The following RBFOX1 variants were observed in gnomAD, a reference collection of about 807,000 sequenced individuals.
The protein encoded by RBFOX1 is RNA binding protein fox-1 homolog 1.
RBFOX1 carries 8 observed loss-of-function variants against 57.7 expected under a neutral mutation model. That is an observed-to-expected ratio of 0.14 (90% CI 0.08 to 0.25). The LOEUF (loss-of-function observed/expected upper bound fraction) is 0.25. Ranked by LOEUF, RBFOX1 falls within the 10% of genes least tolerant of loss-of-function variation. RBFOX1 has a pLI of 1.00. For missense variants in RBFOX1, 611 were observed against 548.5 expected (o/e 1.11, Z -1.14); for synonymous variants, 326 against 222.4 (o/e 1.47, Z -4.15).
intron 1 of RBFOX1, among the ~76,000 whole-genome samples, chr16:6,084,241 A>G (rs2096054173): frequency 6.6e-6 from 1 of 151,568 alleles, no homozygotes; most frequent in Non-Finnish European, 1.5e-5. Flanking sequence ...ATTTATTTTT[A>G]TTACTTGTTT....
At chr16:7,229,300 A>C (rs115660149) in intron 4 of RBFOX1, among the ~76,000 whole-genome samples, 3,117 of 152,274 alleles carry the variant, frequency 0.02, 99 homozygotes, top group African/African-American at 0.071. Flanking sequence ...GGAGACCCTG[A>C]GATGGCCCAA....
chr16:7,263,625 C>T (rs4378633), intron 4 of RBFOX1, among the ~76,000 whole-genome samples: 1 of 151,704 alleles, frequency 6.6e-6, no homozygotes, highest in Admixed American at 6.6e-5. Context: ...AGGCTGGGAA[C>T]GGTGGCTCAC....
rs1257302133 is a variant in RBFOX1, at chr16:7,103,285, G to A, written c.27+51187G>A. On this transcript the variant is annotated intron_variant, in intron 4 of 15. Coordinates refer to ENST00000550418, the MANE Select transcript of RBFOX1 (RefSeq NM_018723.4). ...ACTTTAACTGTTTTGAGTTTATGACGTGTCCAGTCTCAAGTCAGTATAGCA... is the reference window on the plus strand; with the variant it reads ...ACTTTAACTGTTTTGAGTTTATGACATGTCCAGTCTCAAGTCAGTATAGCA... Among the ~76,000 whole-genome samples, 5 of 151,998 alleles carry A rather than the reference G, an allele frequency of 3.3e-5. No homozygotes were observed. In the South Asian group the frequency reaches 6.2e-4, roughly 19 times the overall value.
rs140265816 is a variant in RBFOX1, at chr16:7,353,238, T to C, written c.28-164909T>C. Among the ~76,000 whole-genome samples the C allele has an allele frequency of 1.1e-4, 16 of 152,228 alleles. No homozygotes were observed. In the East Asian group the frequency reaches 2.9e-3, roughly 28 times the overall value. On this transcript the variant is annotated intron_variant, in intron 4 of 15. Transcript: ENST00000550418. ...ACTGGACATTCACCATCACTAGCCA[T>C]AAATAAATGGTACCTATTACAAATG... is the stretch of plus-strand genomic sequence containing the variant.
chr16:6,713,722 C>T (rs923065378), intron 3 of RBFOX1, among the ~76,000 whole-genome samples: 89 of 152,198 alleles, frequency 5.8e-4, no homozygotes, highest in African/African-American at 2.1e-3. Context: ...CTCTTCCTCT[C>T]TCTTTCCACA....
chr16:7,343,124 T>G (rs2096929478), intron 4 of RBFOX1, among the ~76,000 whole-genome samples: 1 of 152,074 alleles, frequency 6.6e-6, no homozygotes, highest in Admixed American at 6.6e-5. Context: ...ACACCCCTGT[T>G]CCATGCAGCT....
At chr16:6,607,081 C>G (rs539153894) in intron 2 of RBFOX1, among the ~76,000 whole-genome samples, 6 of 152,204 alleles carry the variant, frequency 3.9e-5, no homozygotes, top group African/African-American at 1.4e-4. Flanking sequence ...ATACCTGAGG[C>G]TGCTGCCTTC....
At chr16:5,950,099 C>A (rs971504563) in intron 4 of RBFOX1, among the ~76,000 whole-genome samples, 7 of 152,226 alleles carry the variant, frequency 4.6e-5, no homozygotes, top group Admixed American at 2.6e-4. Context: ...GTCCTCCAGT[C>A]TTCTGCAATG....
intron 3 of RBFOX1, among the ~76,000 whole-genome samples, chr16:6,788,309 C>G (rs1054209771): frequency 7.9e-5 from 12 of 151,992 alleles, no homozygotes; most frequent in African/African-American, 2.7e-4. Flanking sequence ...CCAAAATTCC[C>G]CAGCATCTGC....
chr16:6,114,590 T>G (rs984763743), intron 1 of RBFOX1, among the ~76,000 whole-genome samples: 1 of 152,166 alleles, frequency 6.6e-6, no homozygotes, highest in African/African-American at 2.4e-5. Flanking sequence ...ACTTATGGAC[T>G]ACTAACACTG....
chr16:5,957,207 T>G (rs192227786), intron 4 of RBFOX1, among the ~76,000 whole-genome samples: 1 of 152,248 alleles, frequency 6.6e-6, no homozygotes, highest in East Asian at 1.9e-4. Context: ...ACAATTTATT[T>G]TTTTTCTTTT....
intron 1 of RBFOX1, among the ~76,000 whole-genome samples, chr16:6,205,301 G>T (rs1353459826): frequency 1.3e-5 from 2 of 152,130 alleles, no homozygotes; most frequent in Non-Finnish European, 2.9e-5. Context: ...TGTGTTTTAA[G>T]GTATGCTGCC....
At chr16:7,247,124 G>A (rs2094333839) in intron 4 of RBFOX1, among the ~76,000 whole-genome samples, 1 of 152,162 alleles carries the variant, frequency 6.6e-6, no homozygotes, top group Admixed American at 6.5e-5. Context: ...GCCCTCAAGT[G>A]AGGAGGCTCA....
At chr16:6,234,781 A>G (rs964981467) in intron 1 of RBFOX1, among the ~76,000 whole-genome samples, 2 of 152,072 alleles carry the variant, frequency 1.3e-5, no homozygotes, top group Non-Finnish European at 2.9e-5. Context: ...ATCTATACAT[A>G]CACATGAACC....
At chr16:7,537,977 C>T (rs2081953477) in intron 5 of RBFOX1, among the ~76,000 whole-genome samples, 1 of 152,194 alleles carries the variant, frequency 6.6e-6, no homozygotes, top group Non-Finnish European at 1.5e-5. Context: ...TTTATCAACA[C>T]CTACTGTGTG....
At chr16:6,808,835 C>T (rs573898093) in intron 3 of RBFOX1, among the ~76,000 whole-genome samples, 35 of 152,256 alleles carry the variant, frequency 2.3e-4, no homozygotes, top group African/African-American at 7.0e-4. Flanking sequence ...TAGAAAATCA[C>T]TACCTCTTAC....
At chr16:7,225,402 G>A (rs1263155969) in intron 4 of RBFOX1, among the ~76,000 whole-genome samples, 4 of 152,024 alleles carry the variant, frequency 2.6e-5, no homozygotes, top group African/African-American at 7.2e-5. Flanking sequence ...TCCCTCTACG[G>A]TTGGTTCTCA....
chr16:6,738,563 G>A (rs539816998), intron 3 of RBFOX1, among the ~76,000 whole-genome samples: 5 of 152,200 alleles, frequency 3.3e-5, no homozygotes, highest in Admixed American at 6.5e-5. Flanking sequence ...CATCCATCTC[G>A]CAACAATTTA....
chr16:6,748,013 T>G (rs1376349581), intron 3 of RBFOX1, among the ~76,000 whole-genome samples: 1 of 152,216 alleles, frequency 6.6e-6, no homozygotes, highest in African/African-American at 2.4e-5. Context: ...GGTTGTATGA[T>G]TTGAAGGATT....
Sources: allele counts gnomAD v4.1 joint callset (sites outside exome capture counted in the v4.1 genomes callset), GRCh38; gene constraint gnomAD v4.1.1; transcripts MANE v1.5; gene names NCBI Gene and HGNC (gene_info 2026-07-23, HGNC 2026-07-21).